Variants in PIK3C3 observed in about 807,000 individuals in gnomAD.
The protein encoded by PIK3C3 is PI3-kinase type 3.
A neutral mutation model predicts 126.1 loss-of-function variants in PIK3C3; 95 were observed. The observed-to-expected ratio is 0.75, with a 90% confidence interval of 0.64 to 0.89. The LOEUF (loss-of-function observed/expected upper bound fraction) is 0.89, where lower values mean the gene tolerates loss of function less well. Among genes scored for constraint, PIK3C3 ranks in the 40% least tolerant of loss-of-function variants. PIK3C3 has a pLI of 0.00. For missense variants in PIK3C3, 829 were observed against 1,063.2 expected, an observed-to-expected ratio of 0.78 and a Z score of 3.06; for synonymous variants, 374 against 360.0, an observed-to-expected ratio of 1.04 and a Z score of -0.44.
rs200438334 is a variant in PIK3C3, at chr18:42,004,549, ATTAT to A, written c.1170+14_1170+17del. 6.4e-3 allele frequency: 10,064 copies of A among 1,577,394 alleles called. 45 individuals are homozygous for A. The highest frequency in any genetic ancestry group is 9.6e-3 in the Middle Eastern group (56 of 5,844). On this transcript the variant is annotated intron_variant, in intron 10 of 24. Transcript: ENST00000262039. Reference sequence around the variant, plus strand: ...CGACAGGCCGATGATGAGGTGCATTATTATTTATTATTCTGCTTCAATGGGTCAT... The same window carrying A: ...CGACAGGCCGATGATGAGGTGCATTATTATTATTCTGCTTCAATGGGTCAT...
intron 12 of PIK3C3, among the ~76,000 whole-genome samples, chr18:42,017,617 C>T (rs1423232633): frequency 1.3e-5 from 2 of 152,080 alleles, no homozygotes; most frequent in African/African-American, 2.4e-5. Context: ...TATTTTGAAG[C>T]TCTTCAATTA....
At chr18:42,003,675 C>T (rs549994506) in intron 9 of PIK3C3, among the ~76,000 whole-genome samples, 7 of 152,268 alleles carry the variant, frequency 4.6e-5, no homozygotes, top group African/African-American at 1.4e-4. Flanking sequence ...TGAAAACTTC[C>T]GTGTGCTGCC....
chr18:42,057,921 C>A lies in PIK3C3; in HGVS notation c.2302C>A (p.Arg768=). 3 of 1,613,540 alleles carry A rather than the reference C, an allele frequency of 1.9e-6. No homozygotes were observed. The highest frequency in any genetic ancestry group is 2.5e-6 in the Non-Finnish European group (3 of 1,179,712). Residue 768 remains arginine (R), a synonymous_variant, in exon 22 of 25, where the codon CGG becomes AGG. Coordinates refer to ENST00000262039, the MANE Select transcript of PIK3C3 (RefSeq NM_002647.4). ...FHIDFGYILG[R]DPKPLPPPMK... is the part of the protein sequence containing the mutation. Reference sequence around the variant, plus strand: ...CATAGACTTTGGATATATTTTGGGTCGGGATCCAAAGCCTCTTCCTCCACC... The same window carrying A: ...CATAGACTTTGGATATATTTTGGGTAGGGATCCAAAGCCTCTTCCTCCACC...
rs905839317 is a variant in PIK3C3, at chr18:42,013,360, A to C, written c.1171-82A>C. ...AGTGATAGATAAAAGTAAAATGTTT[A>C]CTTGATATTTAGGAATAAATTATGT... On this transcript the variant is annotated intron_variant, in intron 10 of 24. Coordinates refer to ENST00000262039, the MANE Select transcript of PIK3C3 (RefSeq NM_002647.4). 1.3e-5 allele frequency: 11 copies of C among 831,840 alleles called. No individual in the cohort carries two copies. In the African/African-American group the frequency reaches 1.8e-4, roughly 14 times the overall value. The allele number at this position is 831,840 out of a possible 1,614,324, so 51.5% of individuals were successfully genotyped here. A position where few individuals can be genotyped will look rare whatever the true frequency, so the allele number is the denominator to read the frequency against.
At chr18:41,987,775 G>T in intron 4 of PIK3C3, 37 bp from the exon 5 acceptor site, 2 of 1,387,424 alleles carry the variant, frequency 1.4e-6, no homozygotes, top group Admixed American at 1.7e-5. Flanking sequence ...TCTACTAGAT[G>T]TATATTAAAA....
intron 9 of PIK3C3, among the ~76,000 whole-genome samples, chr18:42,002,123 A>T (rs12954899): frequency 6.6e-6 from 1 of 152,154 alleles, no homozygotes; most frequent in Non-Finnish European, 1.5e-5. Flanking sequence ...AAATTGAGCC[A>T]GCTTCTAAAG....
At chr18:42,002,751 G>C (rs773841753) in intron 9 of PIK3C3, among the ~76,000 whole-genome samples, 19 of 152,158 alleles carry the variant, frequency 1.2e-4, no homozygotes, top group Non-Finnish European at 2.4e-4. Flanking sequence ...CTAAGAGTTT[G>C]TATGAAATGA....
intron 15 of PIK3C3, among the ~76,000 whole-genome samples, chr18:42,029,974 A>C (rs943632288): frequency 6.6e-6 from 1 of 152,180 alleles, no homozygotes; most frequent in Admixed American, 6.5e-5. Flanking sequence ...AATTGTGAGG[A>C]GAAGAAAGTA....
At chr18:42,080,958 A>G (rs2144544062) in intron 24 of PIK3C3, among the ~76,000 whole-genome samples, 165 bp from the exon 25 acceptor site, 1 of 152,334 alleles carries the variant, frequency 6.6e-6, no homozygotes, top group Non-Finnish European at 1.5e-5. Context: ...AGCCTCAGGA[A>G]TCCTATACAG....
Position 42,087,786 on chromosome 18 carries a change from G to C in PIK3C3, c.*6649G>C, listed in dbSNP as rs1029866469. On this transcript the variant is annotated 3_prime_UTR_variant, in exon 25 of 25. Transcript: ENST00000262039. ...AGTTAACTGTTTGTAAAAATAAATG[G>C]TTAGTAGAATGTCTAATTCAATAAA... is the stretch of plus-strand genomic sequence containing the variant. The C allele has an allele frequency of 5.3e-5, 8 of 152,164 alleles. No individual in the cohort carries two copies. Among genetic ancestry groups the C allele is most frequent in the Non-Finnish European group, 8.8e-5 (6 of 68,026 alleles). 9.4% of individuals were successfully genotyped at this position (152,164 alleles called of 1,614,324 possible).
intron 9 of PIK3C3, among the ~76,000 whole-genome samples, chr18:41,999,962 C>A (rs752044143): frequency 2.6e-5 from 4 of 152,074 alleles, no homozygotes; most frequent in Non-Finnish European, 4.4e-5. Flanking sequence ...CAGATTGTGA[C>A]GAGCCTCAAA....
rs141722918 is a variant in PIK3C3, at chr18:42,014,984, G to A, written c.1326-492G>A. ...TTCCCTATGCCATGTAGAACGTTTTGTAAGTAAAAGTCTATTCAGAATTTT... is the reference window on the plus strand; with the variant it reads ...TTCCCTATGCCATGTAGAACGTTTTATAAGTAAAAGTCTATTCAGAATTTT... On this transcript the variant is annotated intron_variant, in intron 11 of 24. Coordinates refer to ENST00000262039, the MANE Select transcript of PIK3C3 (RefSeq NM_002647.4). 2.2e-3 allele frequency among the ~76,000 whole-genome samples: 336 copies of A among 152,184 alleles called. 1 individual carries two copies. Among genetic ancestry groups the A allele is most frequent in the African/African-American group, 7.5e-3 (311 of 41,510 alleles).
At chr18:41,957,995 C>G (rs887180097) in intron 2 of PIK3C3, among the ~76,000 whole-genome samples, 5 of 152,164 alleles carry the variant, frequency 3.3e-5, no homozygotes, top group Non-Finnish European at 5.9e-5. Flanking sequence ...TTGATAAGCA[C>G]TTGACTGATT....
chr18:42,056,369 A>T (rs1985065078), intron 21 of PIK3C3, among the ~76,000 whole-genome samples: 1 of 152,132 alleles, frequency 6.6e-6, no homozygotes, highest in South Asian at 2.1e-4. Context: ...ACAGTGATAC[A>T]TAGCCAATAT....
Position 42,037,690 on chromosome 18 carries a change from A to C in PIK3C3, c.1840-2A>C. ...TTTGAAATCAATATTTTTATTTTCC[A>C]GAGTGCCCTTATGCCTGCACAGTTG... On this transcript the variant is annotated splice_acceptor_variant, in intron 16 of 24. Coordinates refer to ENST00000262039, the MANE Select transcript of PIK3C3 (RefSeq NM_002647.4). LOFTEE classifies it high-confidence loss of function. 1 of 1,601,944 alleles carries C rather than the reference A, an allele frequency of 6.2e-7. No homozygotes were observed.
At chr18:42,057,271 ATACAT>A (rs888401906) in intron 21 of PIK3C3, among the ~76,000 whole-genome samples, 14 of 112,606 alleles carry the variant, frequency 1.2e-4, no homozygotes, top group African/African-American at 6.6e-4. Context: ...GATTTATACT[ATACAT>A]TACTCTTACT....
At chr18:42,001,367 T>C (rs1378725472) in intron 9 of PIK3C3, among the ~76,000 whole-genome samples, 2 of 152,198 alleles carry the variant, frequency 1.3e-5, no homozygotes, top group Admixed American at 6.5e-5. Flanking sequence ...CCAGGAATTA[T>C]AATTGGAACC....
chr18:42,058,940 C>G (rs1229293984), intron 22 of PIK3C3, among the ~76,000 whole-genome samples: 1 of 152,156 alleles, frequency 6.6e-6, no homozygotes, highest in Non-Finnish European at 1.5e-5. Context: ...CAATAGATAG[C>G]CAGTTGCCTG....
At chr18:41,989,065 C>T (rs1032004172) in intron 5 of PIK3C3, among the ~76,000 whole-genome samples, 14 of 151,910 alleles carry the variant, frequency 9.2e-5, no homozygotes, top group Admixed American at 7.2e-4. Flanking sequence ...CCTCTTCAGA[C>T]CTTTATCATT....
Sources: allele counts gnomAD v4.1 joint callset (sites outside exome capture counted in the v4.1 genomes callset), GRCh38; gene constraint gnomAD v4.1.1; transcripts MANE v1.5; gene names NCBI Gene and HGNC (gene_info 2026-07-23, HGNC 2026-07-21).